AUTS2: variants seen among roughly 807,000 people sequenced by gnomAD.
AUTS2 encodes the protein autism susceptibility gene 2 protein.
AUTS2 carries 17 observed loss-of-function variants against 112.4 expected under a neutral mutation model. The observed-to-expected ratio is 0.15, with a 90% CI of 0.10 to 0.23. AUTS2 has a LOEUF of 0.23. AUTS2 is among the 10% of genes least tolerant of loss of function. AUTS2 has a pLI of 1.00. For missense variants in AUTS2, 1,510 were observed against 1,701.6 expected, an observed-to-expected ratio of 0.89 and a Z score of 1.98; for synonymous variants, 751 against 702.7, an observed-to-expected ratio of 1.07 and a Z score of -1.09.
chr7:69,603,869 G>C (rs1170575848), intron 1 of AUTS2, among the ~76,000 whole-genome samples: 2 of 152,188 alleles, frequency 1.3e-5, no homozygotes, highest in Admixed American at 1.3e-4. Context: ...TGATGTGTTA[G>C]ATAGTGTTGG....
At chr7:70,745,440 G>A (rs570120336) in intron 6 of AUTS2, among the ~76,000 whole-genome samples, 9 of 152,314 alleles carry the variant, frequency 5.9e-5, no homozygotes, top group African/African-American at 2.2e-4. Flanking sequence ...TAAAGCCAGT[G>A]TTCTGTTGAA....
chr7:69,827,838 G>C (rs1433137269), intron 1 of AUTS2, among the ~76,000 whole-genome samples: 1 of 152,208 alleles, frequency 6.6e-6, no homozygotes, highest in Non-Finnish European at 1.5e-5. Flanking sequence ...CTGCAGCACT[G>C]TGGCCAGTGA....
At position 69,727,031 on chromosome 7, in the gene AUTS2, T is replaced by A. The variant is rs188971568; in HGVS notation, c.309+127069T>A. Reference sequence around the variant, plus strand: ...TTTTTAATTTTGATGAAGTATAGTTTATCTTATTTTTCCATTATATATTTT... The same window carrying A: ...TTTTTAATTTTGATGAAGTATAGTTAATCTTATTTTTCCATTATATATTTT... On this transcript the variant is annotated intron_variant, in intron 1 of 18. Transcript: ENST00000342771. Among the ~76,000 whole-genome samples the A allele has an allele frequency of 2.6e-5, 4 of 152,308 alleles. No individual in the cohort carries two copies. The East Asian group carries it at 7.7e-4, about 29-fold the overall frequency.
At chr7:70,750,959 A>G (rs1563171200) in intron 6 of AUTS2, among the ~76,000 whole-genome samples, 1 of 122,540 alleles carries the variant, frequency 8.2e-6, no homozygotes, top group African/African-American at 5.7e-5. Flanking sequence ...AGACCCACCC[A>G]TTGGCCAACC....
At chr7:69,691,283 T>TG (rs1797332147) in intron 1 of AUTS2, among the ~76,000 whole-genome samples, 1 of 152,242 alleles carries the variant, frequency 6.6e-6, no homozygotes, top group South Asian at 2.1e-4. Context: ...GGCTTGAAGT[T>TG]GGGGTTTCAC....
At chr7:70,010,140 AT>A (rs984876417) in intron 2 of AUTS2, among the ~76,000 whole-genome samples, 20 of 151,262 alleles carry the variant, frequency 1.3e-4, no homozygotes, top group South Asian at 4.2e-4. Context: ...TCATGAGGAT[AT>A]TTTTTTTTAA....
At chr7:70,067,144 A>G (rs1484790005) in intron 2 of AUTS2, among the ~76,000 whole-genome samples, 5 of 152,218 alleles carry the variant, frequency 3.3e-5, no homozygotes, top group Admixed American at 3.3e-4. Context: ...CTTATGATGC[A>G]TTTTGGATTA....
At position 69,991,512 on chromosome 7, in the gene AUTS2, A is replaced by C. The variant is rs544848871; in HGVS notation, c.522+92014A>C. Among the ~76,000 whole-genome samples, 5 of 152,332 alleles carry C rather than the reference A, an allele frequency of 3.3e-5. No individual in the cohort carries two copies. In the East Asian group the frequency reaches 9.6e-4, roughly 29 times the overall value. ...TGTATCCCAAATTGACACACTAGTT[A>C]GGTAGCCCTTGGGTGTGAACTTCCT... On this transcript the variant is annotated intron_variant, in intron 2 of 18. Coordinates refer to ENST00000342771, the MANE Select transcript of AUTS2 (RefSeq NM_015570.4).
chr7:70,701,441 C>T (rs181521559), intron 6 of AUTS2, among the ~76,000 whole-genome samples: 7 of 152,248 alleles, frequency 4.6e-5, no homozygotes, highest in Admixed American at 4.6e-4. Flanking sequence ...GGGGATAAAA[C>T]AATTAATTGG....
intron 6 of AUTS2, among the ~76,000 whole-genome samples, chr7:70,741,118 A>AT (rs1481867793): frequency 6.6e-6 from 1 of 151,942 alleles, no homozygotes; most frequent in African/African-American, 2.4e-5. Flanking sequence ...ATAAAAAAAA[A>AT]AAAGAAACTT....
At chr7:70,077,727 C>T (rs549254036) in intron 2 of AUTS2, among the ~76,000 whole-genome samples, 49 of 152,268 alleles carry the variant, frequency 3.2e-4, no homozygotes, top group Non-Finnish European at 6.0e-4. Flanking sequence ...CACACAAATG[C>T]CAACACTTCA....
At chr7:70,688,867 A>G (rs1808603370) in intron 5 of AUTS2, among the ~76,000 whole-genome samples, 1 of 152,220 alleles carries the variant, frequency 6.6e-6, no homozygotes, top group Non-Finnish European at 1.5e-5. Context: ...CATCATTTTT[A>G]TAGTCGTAGG....
chr7:69,882,478 C>G (rs1794097956), intron 1 of AUTS2, among the ~76,000 whole-genome samples: 2 of 152,316 alleles, frequency 1.3e-5, no homozygotes, highest in East Asian at 3.9e-4. Context: ...TTCTAGGCTT[C>G]TGCTTTCAGT....
chr7:69,758,874 G>A lies in AUTS2; in HGVS notation c.310-140412G>A, dbSNP rs115230670. Among the ~76,000 whole-genome samples the A allele has an allele frequency of 8.8e-3, 1,341 of 152,212 alleles. 23 individuals are homozygous for A. Among genetic ancestry groups the A allele is most frequent in the African/African-American group, 0.031 (1,277 of 41,540 alleles). On this transcript the variant is annotated intron_variant, in intron 1 of 18. Transcript: ENST00000342771. ...AGCTTTATATCCTAATGTAGAAAAT[G>A]TGCTGTGCTAGATCATTTCAACCCA...
intron 1 of AUTS2, among the ~76,000 whole-genome samples, chr7:69,846,875 C>A (rs1411599909): frequency 1.3e-5 from 2 of 152,158 alleles, no homozygotes; most frequent in African/African-American, 4.8e-5. Flanking sequence ...ACCCGGCCCC[C>A]ACATCAGCTT....
rs1327732538 is a variant in AUTS2, at chr7:70,142,848, T to TC, written c.660+8279dup. 3.9e-5 allele frequency among the ~76,000 whole-genome samples: 6 copies of TC among 152,304 alleles called. No individual in the cohort carries two copies. The East Asian group carries it at 1.2e-3, about 29-fold the overall frequency. On this transcript the variant is annotated intron_variant, in intron 4 of 18. Coordinates refer to ENST00000342771, the MANE Select transcript of AUTS2 (RefSeq NM_015570.4). ...GGTTGTCTTATCCTTGTTGGAGATTTCCACATTACAGAAATTTGTTGCATT... is the reference window on the plus strand; with the variant it reads ...GGTTGTCTTATCCTTGTTGGAGATTTCCCACATTACAGAAATTTGTTGCATT...
intron 4 of AUTS2, among the ~76,000 whole-genome samples, chr7:70,254,763 C>T (rs1786770730): frequency 6.6e-6 from 1 of 152,136 alleles, no homozygotes; most frequent in African/African-American, 2.4e-5. Flanking sequence ...GCAGAGTATT[C>T]TCACAGTCTA....
chr7:69,994,361 G>A (rs185045551), intron 2 of AUTS2, among the ~76,000 whole-genome samples: 1 of 152,198 alleles, frequency 6.6e-6, no homozygotes, highest in Non-Finnish European at 1.5e-5. Flanking sequence ...TCCTCAACTT[G>A]TGTGGTCTCA....
At chr7:70,157,675 G>A (rs1698610239) in intron 4 of AUTS2, among the ~76,000 whole-genome samples, 1 of 152,114 alleles carries the variant, frequency 6.6e-6, no homozygotes, top group African/African-American at 2.4e-5. Flanking sequence ...AGGCACTTCA[G>A]GATCTGAAGA....
Sources: allele counts gnomAD v4.1 joint callset (sites outside exome capture counted in the v4.1 genomes callset), GRCh38; gene constraint gnomAD v4.1.1; transcripts MANE v1.5; gene names NCBI Gene and HGNC (gene_info 2026-07-23, HGNC 2026-07-21).